IQCE: variants seen among roughly 807,000 people sequenced by gnomAD.
IQCE encodes the protein IQ motif containing E.
IQCE carries 115 observed loss-of-function variants against 96.0 expected under a neutral mutation model. The observed-to-expected ratio is 1.20, with a 90% CI of 1.03 to 1.40. The LOEUF is 1.40. Ranked by LOEUF, IQCE falls within the 40% of genes most tolerant of loss-of-function variation. The pLI is 0.00. For missense variants in IQCE, 1,041 were observed against 909.1 expected, an observed-to-expected ratio of 1.15 and a Z score of -1.87; for synonymous variants, 412 against 371.2, an observed-to-expected ratio of 1.11 and a Z score of -1.26.
chr7:2,579,518 G>A (rs937364031), intron 8 of IQCE, among the ~76,000 whole-genome samples: 5 of 152,092 alleles, frequency 3.3e-5, no homozygotes, highest in Admixed American at 6.6e-5. Flanking sequence ...AAAAAAGGCC[G>A]TGTCCTCTGA....
intron 10 of IQCE, among the ~76,000 whole-genome samples, chr7:2,584,032 C>T (rs1002040531): frequency 1.3e-5 from 2 of 151,484 alleles, no homozygotes; most frequent in Non-Finnish European, 1.5e-5. Flanking sequence ...GCGCTGGCCC[C>T]GGGTGGTGGG....
At chr7:2,583,948 TGGGC>T (rs1782894080) in intron 10 of IQCE, among the ~76,000 whole-genome samples, 1 of 9,326 alleles carries the variant, frequency 1.1e-4, no homozygotes, top group Non-Finnish European at 2.0e-4. Flanking sequence ...GGCACCGAGC[TGGGC>T]GGCGGGGCGG....
chr7:2,593,251 C>CA, intron 15 of IQCE, 125 bp downstream of exon 15: 1 of 1,385,428 alleles, frequency 7.2e-7, no homozygotes, highest in Non-Finnish European at 9.7e-7. Flanking sequence ...CACCTCCTCA[C>CA]AGTCTTTCAT....
intron 12 of IQCE, among the ~76,000 whole-genome samples, 161 bp from the exon 13 acceptor site, chr7:2,587,661 G>A (rs1783227218): frequency 6.6e-6 from 1 of 152,278 alleles, no homozygotes; most frequent in East Asian, 1.9e-4. Flanking sequence ...CTGGGCCAGC[G>A]CTGGCAAAAT....
intron 17 of IQCE, among the ~76,000 whole-genome samples, chr7:2,599,039 C>T (rs1268501939): frequency 5.9e-5 from 9 of 152,200 alleles, no homozygotes; most frequent in Non-Finnish European, 4.4e-5. Context: ...CCCCATATGC[C>T]GCCTGCCGCT....
chr7:2,607,671 G>A, intron 21 of IQCE: 2 of 412,888 alleles, frequency 4.8e-6, no homozygotes, highest in Non-Finnish European at 6.1e-6. Flanking sequence ...TGACGGGGAT[G>A]CCCCAGCAGG....
chr7:2,580,442 T>C (rs1428485287), intron 8 of IQCE, among the ~76,000 whole-genome samples: 1 of 152,158 alleles, frequency 6.6e-6, no homozygotes, highest in Non-Finnish European at 1.5e-5. Context: ...AAGCCCCATC[T>C]GTACTAAAAA....
intron 13 of IQCE, among the ~76,000 whole-genome samples, chr7:2,588,140 G>C (rs1783276013): frequency 6.6e-6 from 1 of 152,188 alleles, no homozygotes; most frequent in Non-Finnish European, 1.5e-5. Context: ...CAGCCCGCCT[G>C]TGCAGGCTGT....
chr7:2,562,588 GC>G (rs1280405372), intron 1 of IQCE, among the ~76,000 whole-genome samples: 12 of 145,788 alleles, frequency 8.2e-5, no homozygotes, highest in Admixed American at 1.4e-4. Flanking sequence ...CAGTAGTGAG[GC>G]CCCCTTTTTT....
At position 2,605,926 on chromosome 7, in the gene IQCE, C is replaced by T. The variant is rs1217789799; in HGVS notation, c.1794C>T (p.Ser598=). Residue 598 remains serine (S), a synonymous_variant, in exon 20 of 22, where the codon AGC becomes AGT. Coordinates refer to ENST00000402050, the MANE Select transcript of IQCE (RefSeq NM_152558.5). ...GCCCCATCGCCCAGGCCACGGGCAG[C>T]CCTGTGCAGGAGGAGGCCATCGTCA... ...VPSPIAQATG[S]PVQEEAIVII... 6.2e-7 allele frequency: 1 copy of T among 1,610,632 alleles called. No homozygotes were observed. Among genetic ancestry groups the T allele is most frequent in the South Asian group, 1.1e-5 (1 of 90,462 alleles).
In IQCE at chr7:2,604,998, T is replaced by C; in HGVS notation, c.1743+7T>C. The C allele has an allele frequency of 6.2e-7, 1 of 1,602,796 alleles. No individual in the cohort carries two copies. ...GCCAGGCCTCCCAGACCAGGTAATG[T>C]CGGGGTGCTGGACGTCCCAGTGGCC... On this transcript the variant is annotated splice_region_variant and intron_variant, in intron 19 of 21. Transcript: ENST00000402050.
intron 17 of IQCE, among the ~76,000 whole-genome samples, chr7:2,600,372 G>A (rs902572550): frequency 3.3e-5 from 5 of 152,218 alleles, no homozygotes; most frequent in Non-Finnish European, 7.3e-5. Flanking sequence ...ATGGCTGCTG[G>A]CTTTCGCCAT....
At chr7:2,571,991 G>A (rs1459973848) in intron 4 of IQCE, among the ~76,000 whole-genome samples, 1 of 152,066 alleles carries the variant, frequency 6.6e-6, no homozygotes, top group Non-Finnish European at 1.5e-5. Context: ...TGTATACCGT[G>A]GAAATAGGCA....
intron 17 of IQCE, 59 bp from the exon 18 acceptor site, chr7:2,601,382 A>T: frequency 8.4e-7 from 1 of 1,189,256 alleles, no homozygotes; most frequent in Non-Finnish European, 1.2e-6. Flanking sequence ...AGGAATCAAA[A>T]CCACATTCAT....
chr7:2,577,484 G>A (rs112412562), intron 6 of IQCE, among the ~76,000 whole-genome samples: 24 of 93,314 alleles, frequency 2.6e-4, no homozygotes, highest in South Asian at 3.7e-4. Flanking sequence ...CGGCGTATAC[G>A]CATTGGCGTG....
At chr7:2,609,450 G>A (rs1024184879) in intron 21 of IQCE, among the ~76,000 whole-genome samples, 7 of 151,886 alleles carry the variant, frequency 4.6e-5, no homozygotes, top group Non-Finnish European at 8.8e-5. Context: ...CAGCAGAAAC[G>A]CTCCTACACA....
intron 8 of IQCE, among the ~76,000 whole-genome samples, chr7:2,580,891 A>T (rs1782612633): frequency 6.6e-6 from 1 of 152,138 alleles, no homozygotes; most frequent in African/African-American, 2.4e-5. Flanking sequence ...GGGAGTGGCC[A>T]GGTCAGAGTA....
At chr7:2,595,329 A>G (rs141848591) in intron 16 of IQCE, among the ~76,000 whole-genome samples, 1,579 of 152,300 alleles carry the variant, frequency 0.01, 38 homozygotes, top group African/African-American at 0.036. Context: ...AGGCCCCTGC[A>G]TGGACCTGGG....
chr7:2,587,891 T>C lies in IQCE; in HGVS notation c.1044+14T>C. 6.2e-7 allele frequency: 1 copy of C among 1,613,472 alleles called. No homozygotes were observed. The highest frequency in any genetic ancestry group is 8.5e-7 in the Non-Finnish European group (1 of 1,179,504). On this transcript the variant is annotated intron_variant, in intron 13 of 21. Transcript: ENST00000402050. ...GAGCTGGAGAAGGTGAGCGGGCGTC[T>C]CAGTGCCACTGTCGTTGGGGACCAG...
Sources: allele counts gnomAD v4.1 joint callset (sites outside exome capture counted in the v4.1 genomes callset), GRCh38; gene constraint gnomAD v4.1.1; transcripts MANE v1.5; gene names NCBI Gene and HGNC (gene_info 2026-07-23, HGNC 2026-07-21).